The following JAZF1 variants were observed in gnomAD, a reference collection of about 807,000 sequenced individuals.
JAZF1 encodes JAZF zinc finger 1, also known as juxtaposed with another zinc finger protein 1.
JAZF1 carries 8 observed loss-of-function variants against 26.4 expected under a neutral mutation model. That is an observed-to-expected ratio of 0.30 (90% CI 0.18 to 0.55). JAZF1 has a LOEUF of 0.55. Among genes scored for constraint, JAZF1 ranks in the 20% least tolerant of loss-of-function variants. The pLI is 0.94. For synonymous variants in JAZF1, 126 were observed against 122.3 expected, an observed-to-expected ratio of 1.03 and a Z score of -0.20; for missense variants, 199 against 322.0, an observed-to-expected ratio of 0.62 and a Z score of 2.92.
chr7:28,062,608 C>CT (rs1428340559), intron 1 of JAZF1, among the ~76,000 whole-genome samples: 2 of 152,026 alleles, frequency 1.3e-5, no homozygotes, highest in Non-Finnish European at 2.9e-5. Flanking sequence ...CTCAGGTTGC[C>CT]TGTGCCCCAA....
chr7:27,952,887 A>T (rs1414081300), intron 2 of JAZF1, among the ~76,000 whole-genome samples: 2 of 152,176 alleles, frequency 1.3e-5, no homozygotes, highest in Non-Finnish European at 2.9e-5. Flanking sequence ...TCAATAAACA[A>T]ATCTTACCTA....
intron 1 of JAZF1, among the ~76,000 whole-genome samples, chr7:27,994,203 G>T (rs1785965721): frequency 6.6e-6 from 1 of 152,078 alleles, no homozygotes. Flanking sequence ...CTACAATTTT[G>T]TTGCTCAAAT....
At chr7:27,919,669 T>C (rs1784497773) in intron 2 of JAZF1, among the ~76,000 whole-genome samples, 1 of 152,282 alleles carries the variant, frequency 6.6e-6, no homozygotes, top group African/African-American at 2.4e-5. Flanking sequence ...GGGTGACTTA[T>C]GGTTACAAAA....
At chr7:28,126,057 C>T (rs544705572) in intron 1 of JAZF1, among the ~76,000 whole-genome samples, 1 of 152,182 alleles carries the variant, frequency 6.6e-6, no homozygotes, top group Non-Finnish European at 1.5e-5. Flanking sequence ...ATACCCTGGC[C>T]TTATCCTATG....
At chr7:27,999,769 T>C (rs1786095099) in intron 1 of JAZF1, among the ~76,000 whole-genome samples, 2 of 152,164 alleles carry the variant, frequency 1.3e-5, no homozygotes, top group Admixed American at 6.5e-5. Context: ...GCCCTGGACA[T>C]GCAGTACCAC....
chr7:27,962,465 G>C (rs538469549), intron 2 of JAZF1, among the ~76,000 whole-genome samples: 12 of 152,302 alleles, frequency 7.9e-5, no homozygotes, highest in African/African-American at 2.4e-4. Context: ...TCCACAGAGA[G>C]TCAAGACTTG....
chr7:27,897,986 G>T lies in JAZF1; in HGVS notation c.189-2570C>A, dbSNP rs540671548. 3.9e-5 allele frequency among the ~76,000 whole-genome samples: 6 copies of T among 152,318 alleles called. No homozygotes were observed. The South Asian group carries it at 1.2e-3, about 32-fold the overall frequency. Reference sequence around the variant, plus strand: ...GAGGACTGTTGTGAGAGTAAATGAGGTAATTGGCCTGTCATGTACCAAGTG... The same window carrying T: ...GAGGACTGTTGTGAGAGTAAATGAGTTAATTGGCCTGTCATGTACCAAGTG... On this transcript the variant is annotated intron_variant, in intron 2 of 4. Transcript: ENST00000283928.
chr7:28,134,500 A>C (rs1782848025), intron 1 of JAZF1, among the ~76,000 whole-genome samples: 1 of 145,192 alleles, frequency 6.9e-6, no homozygotes, highest in Non-Finnish European at 1.5e-5. Flanking sequence ...TTTCATAGAG[A>C]CTGGATCTCA....
intron 3 of JAZF1, among the ~76,000 whole-genome samples, chr7:27,890,421 G>C (rs1783951352): frequency 6.6e-6 from 1 of 152,218 alleles, no homozygotes; most frequent in Non-Finnish European, 1.5e-5. Context: ...TACAGTGAAT[G>C]AAGTCAAACC....
chr7:27,900,357 T>C (rs1270968352), intron 2 of JAZF1, among the ~76,000 whole-genome samples: 2 of 152,264 alleles, frequency 1.3e-5, no homozygotes, highest in Non-Finnish European at 2.9e-5. Flanking sequence ...TCACTTATTT[T>C]ATTGAATTTT....
intron 1 of JAZF1, among the ~76,000 whole-genome samples, chr7:28,174,206 G>A (rs117806796): frequency 6.8e-4 from 103 of 152,268 alleles, no homozygotes; most frequent in Non-Finnish European, 1.2e-3. Flanking sequence ...ATCTGAAGGC[G>A]GGGGTAAGAA....
chr7:27,854,159 TAA>T (rs760207482), intron 3 of JAZF1, among the ~76,000 whole-genome samples: 15 of 152,248 alleles, frequency 9.9e-5, no homozygotes, highest in Non-Finnish European at 2.2e-4. Context: ...TTTGCTGGTT[TAA>T]AGTCTGTTTT....
chr7:28,157,781 A>G (rs965833130), intron 1 of JAZF1, among the ~76,000 whole-genome samples: 4 of 152,190 alleles, frequency 2.6e-5, no homozygotes, highest in African/African-American at 9.7e-5. Context: ...ATGTAATGCT[A>G]ACTCATGCAC....
rs950270068 is a variant in JAZF1, at chr7:28,165,176, AAAAACAAAAAC to A, written c.115+15276_115+15286del. On this transcript the variant is annotated intron_variant, in intron 1 of 4. Coordinates refer to ENST00000283928, the MANE Select transcript of JAZF1 (RefSeq NM_175061.4). ...AGAGTGACACTCTGTATCAAAAGAA[AAAAACAAAAAC>A]AAAACAAAAACAACAACCTTATTTT... is the stretch of plus-strand genomic sequence containing the variant. 4.6e-5 allele frequency among the ~76,000 whole-genome samples: 7 copies of A among 152,182 alleles called. No homozygotes were observed. The East Asian group carries it at 7.7e-4, about 17-fold the overall frequency.
chr7:28,148,868 A>C (rs1284101447), intron 1 of JAZF1, among the ~76,000 whole-genome samples: 1 of 152,216 alleles, frequency 6.6e-6, no homozygotes, highest in Non-Finnish European at 1.5e-5. Flanking sequence ...GACACATGCA[A>C]CTCAGGGTCT....
intron 1 of JAZF1, among the ~76,000 whole-genome samples, chr7:28,112,710 G>A (rs1784681709): frequency 6.6e-6 from 1 of 152,156 alleles, no homozygotes; most frequent in South Asian, 2.1e-4. Context: ...TGAATGGTGG[G>A]CCCGCCCAGG....
At chr7:27,844,386 CTA>C (rs1217088780) in intron 3 of JAZF1, 15 of 152,224 alleles carry the variant, frequency 9.9e-5, no homozygotes, top group African/African-American at 3.4e-4. Context: ...GCTTCAGCTG[CTA>C]TCTCTCAACA....
intron 2 of JAZF1, among the ~76,000 whole-genome samples, chr7:27,950,874 G>A (rs1054764484): frequency 5.9e-5 from 9 of 152,070 alleles, no homozygotes; most frequent in African/African-American, 2.2e-4. Context: ...ATAGGCTTCT[G>A]TTAGAAATGA....
chr7:27,856,295 G>T (rs540161856), intron 3 of JAZF1, among the ~76,000 whole-genome samples: 1 of 152,186 alleles, frequency 6.6e-6, no homozygotes, highest in Non-Finnish European at 1.5e-5. Flanking sequence ...TGTTCCTCCC[G>T]GTGGGTTCGT....
Sources: gnomAD v4.1 joint callset for allele counts (sites outside exome capture counted in the v4.1 genomes callset) on GRCh38, gnomAD v4.1.1 for gene constraint, MANE v1.5 for transcripts, NCBI Gene and HGNC (gene_info 2026-07-23, HGNC 2026-07-21) for gene names.